ZNF831: variants seen among roughly 807,000 people sequenced by gnomAD.
ZNF831 encodes the protein zinc finger protein 831.
A neutral mutation model predicts 95.8 loss-of-function variants in ZNF831; 59 were observed. That is an observed-to-expected ratio of 0.62 (90% CI 0.50 to 0.77). The LOEUF is 0.77. Ranked by LOEUF, ZNF831 falls within the 30% of genes least tolerant of loss-of-function variation. The probability of loss-of-function intolerance (pLI) is 0.00; values close to 1 mark genes in which losing one functional copy is unlikely to be tolerated. For missense variants in ZNF831, 2,205 were observed against 2,164.0 expected, an observed-to-expected ratio of 1.02 and a Z score of -0.38; for synonymous variants, 961 against 925.5, an observed-to-expected ratio of 1.04 and a Z score of -0.70.
rs1240080753 is a variant in ZNF831 at position 59,194,322 on chromosome 20, G to C, written c.3303G>C (p.Trp1101Cys). ...TCCTGAATCCCTGGGTACCCAACTG[G>C]GAGCTGGGGGAGCCTCCTGGGAATG... ...GDVLNPWVPNWELGEPPGNAP... is the reference protein window; with the variant it reads ...GDVLNPWVPNCELGEPPGNAP... Residue 1101 changes from tryptophan (W) to cysteine (C), a missense_variant, in exon 2 of 6, where the codon TGG becomes TGC. By Grantham distance (215) the Trp-to-Cys change is radical. Coordinates refer to ENST00000371030, the MANE Select transcript of ZNF831 (RefSeq NM_178457.3). 1 of 1,613,730 alleles carries C rather than the reference G, an allele frequency of 6.2e-7. No individual in the cohort carries two copies. Among genetic ancestry groups the C allele is most frequent in the Admixed American group, 1.7e-5 (1 of 60,006 alleles).
chr20:59,133,701 G>A (rs1434594432), intron 1 of ZNF831, among the ~76,000 whole-genome samples: 1 of 152,210 alleles, frequency 6.6e-6, no homozygotes, highest in South Asian at 2.1e-4. Flanking sequence ...CCAGGGGTCA[G>A]AGACTCAAGA....
intron 4 of ZNF831, among the ~76,000 whole-genome samples, chr20:59,220,706 T>A (rs1364951385): frequency 4.6e-5 from 7 of 152,310 alleles, no homozygotes; most frequent in Non-Finnish European, 8.8e-5. Flanking sequence ...TTGTTTTTTT[T>A]AAAGAAGAAT....
At chr20:59,136,154 C>T (rs946329827) in intron 1 of ZNF831, among the ~76,000 whole-genome samples, 3 of 152,174 alleles carry the variant, frequency 2.0e-5, no homozygotes, top group Non-Finnish European at 4.4e-5. Flanking sequence ...TTCCTTGGCT[C>T]ATGGCCCCCT....
intron 1 of ZNF831, among the ~76,000 whole-genome samples, chr20:59,132,552 T>A (rs1979379951): frequency 6.6e-6 from 1 of 152,122 alleles, no homozygotes; most frequent in African/African-American, 2.4e-5. Context: ...AAAAATGACA[T>A]CTCATCTTCA....
intron 1 of ZNF831, among the ~76,000 whole-genome samples, chr20:59,168,526 G>T (rs145963701): frequency 0.01 from 1,537 of 149,730 alleles, 14 homozygotes; most frequent in Middle Eastern, 0.034. Context: ...TGCAAGTAGG[G>T]ATAGTTTTAT....
chr20:59,253,864 C>CA (rs561815380), intron 5 of ZNF831, 34 bp from the exon 6 acceptor site: 13 of 1,118,294 alleles, frequency 1.2e-5, no homozygotes, highest in African/African-American at 5.5e-5. Flanking sequence ...TAACCTCCCC[C>CA]CCCACTTTTT....
In ZNF831 at chr20:59,223,970, A is replaced by G. The variant is rs1601420119; in HGVS notation, c.4027+16914A>G. ...AAGGAGTCATCTCTCCCTGTCATCCACCACCCCCACATCCAGGCCACTGGA... is the reference window on the plus strand; with the variant it reads ...AAGGAGTCATCTCTCCCTGTCATCCGCCACCCCCACATCCAGGCCACTGGA... On this transcript the variant is annotated intron_variant, in intron 4 of 5. Transcript: ENST00000371030. 2.6e-5 allele frequency among the ~76,000 whole-genome samples: 4 copies of G among 152,274 alleles called. No individual in the cohort carries two copies. In the South Asian group the frequency reaches 8.3e-4, roughly 32 times the overall value.
rs2146768418 is a variant in ZNF831 at position 59,254,357 on chromosome 20, G to A, written c.4648G>A (p.Gly1550Arg). ...CCTCTTGCCAGGGAGACCTTCATCT[G>A]GACAAAGAATTTCAGATTCGGTTCC... ...QTLLPGRPSS[G>R]QRISDSVPLE... Residue 1550 changes from glycine to arginine, a missense_variant, in exon 6 of 6, where the codon GGA becomes AGA. Gly to Arg is a moderately radical substitution (Grantham distance 125, BLOSUM62 -2). Transcript: ENST00000371030. The surrounding 1 kb of genome is among the most constrained non-coding windows in gnomAD (Gnocchi z 4.5). 1.2e-6 allele frequency: 2 copies of A among 1,614,008 alleles called. No individual in the cohort carries two copies. The highest frequency in any genetic ancestry group is 8.5e-7 in the Non-Finnish European group (1 of 1,179,998).
At chr20:59,248,597 C>T (rs955109792) in intron 4 of ZNF831, among the ~76,000 whole-genome samples, 2 of 152,198 alleles carry the variant, frequency 1.3e-5, no homozygotes, top group African/African-American at 2.4e-5. Context: ...GTTGGGAAGA[C>T]ATTTGGCCAA....
chr20:59,253,764 G>GAAGTTCACCCTTGGTAA (rs2146759227), intron 5 of ZNF831, 134 bp from the exon 6 acceptor site: 1 of 996,722 alleles, frequency 1.0e-6, no homozygotes, highest in South Asian at 1.9e-5. Context: ...GCGTCATATT[G>GAAGTTCACCCTTGGTAA]AAGTTCACCC....
chr20:59,127,889 C>A (rs575696521), intron 1 of ZNF831, among the ~76,000 whole-genome samples: 2 of 152,236 alleles, frequency 1.3e-5, no homozygotes, highest in African/African-American at 2.4e-5. Flanking sequence ...CAGAGTGGAG[C>A]CTTCCATTCT....
At chr20:59,231,226 GAAC>G (rs1338022632) in intron 4 of ZNF831, among the ~76,000 whole-genome samples, 1 of 152,220 alleles carries the variant, frequency 6.6e-6, no homozygotes, top group Non-Finnish European at 1.5e-5. Flanking sequence ...GTTTTCAGCA[GAAC>G]AACAATGTAC....
chr20:59,130,430 T>C (rs236721), intron 1 of ZNF831, among the ~76,000 whole-genome samples: 119,305 of 152,098 alleles, frequency 0.78, 48,046 homozygotes, highest in East Asian at 0.95. Context: ...GGCCTGGCAC[T>C]CTGAGCAAAC....
intron 2 of ZNF831, chr20:59,146,564 C>G (rs756201030): frequency 6.6e-6 from 1 of 152,298 alleles, no homozygotes; most frequent in Non-Finnish European, 1.5e-5. Context: ...CCCTTGAGAT[C>G]TCTTGAACCA....
intron 4 of ZNF831, among the ~76,000 whole-genome samples, chr20:59,237,806 C>G (rs906493473): frequency 6.6e-6 from 1 of 152,260 alleles, no homozygotes; most frequent in African/African-American, 2.4e-5. Context: ...GCTTGTAGTG[C>G]TGTAGTGCCT....
chr20:59,203,713 GT>G (rs1984689207), intron 3 of ZNF831, among the ~76,000 whole-genome samples: 2 of 151,908 alleles, frequency 1.3e-5, no homozygotes, highest in African/African-American at 2.4e-5. Context: ...TCATCTCTAT[GT>G]TTTTTGCCAA....
chr20:59,229,695 C>T (rs1389742352), intron 4 of ZNF831, among the ~76,000 whole-genome samples: 1 of 152,148 alleles, frequency 6.6e-6, no homozygotes, highest in African/African-American at 2.4e-5. Flanking sequence ...TACCATTGAC[C>T]TAGGACCTTT....
At chr20:59,159,598 G>C (rs1568730710), upstream of ZNF831, 1 of 152,214 alleles carries the variant, frequency 6.6e-6, no homozygotes, top group African/African-American at 2.4e-5. Context: ...CATCTGAGGA[G>C]TGTTACTTCC....
At chr20:59,151,474 C>T (rs908298503) in intron 2 of ZNF831, among the ~76,000 whole-genome samples, 13 of 152,140 alleles carry the variant, frequency 8.5e-5, no homozygotes, top group African/African-American at 3.1e-4. Context: ...CTTAATTCTC[C>T]CATGTGCCTG....
Sources: allele counts gnomAD v4.1 joint callset (sites outside exome capture counted in the v4.1 genomes callset), GRCh38; gene constraint gnomAD v4.1.1; non-coding constraint Gnocchi (gnomAD v3.1); transcripts MANE v1.5; gene names NCBI Gene and HGNC (gene_info 2026-07-23, HGNC 2026-07-21).